EXOC6B: variants seen among roughly 807,000 people sequenced by gnomAD.
EXOC6B encodes exocyst complex component 6B.
In EXOC6B, 54 loss-of-function variants were observed where a neutral mutation model predicts 113.5. The observed-to-expected ratio is 0.48, with a 90% CI of 0.38 to 0.60. The LOEUF (loss-of-function observed/expected upper bound fraction) is 0.60, where lower values mean the gene tolerates loss of function less well. EXOC6B is among the 20% of genes least tolerant of loss of function. The pLI, the probability that EXOC6B is intolerant of heterozygous loss-of-function variation, is 0.00. For missense variants in EXOC6B, 797 were observed against 977.5 expected, an observed-to-expected ratio of 0.82 and a Z score of 2.46; for synonymous variants, 357 against 339.0, an observed-to-expected ratio of 1.05 and a Z score of -0.58.
chr2:72,211,072 T>G (rs1472714543), intron 20 of EXOC6B, among the ~76,000 whole-genome samples: 1 of 152,100 alleles, frequency 6.6e-6, no homozygotes, highest in Non-Finnish European at 1.5e-5. Flanking sequence ...TATTAGCAAT[T>G]TTACCCTCTT....
intron 20 of EXOC6B, among the ~76,000 whole-genome samples, chr2:72,267,057 T>C (rs1421760608): frequency 5.3e-5 from 8 of 152,178 alleles, no homozygotes; most frequent in Non-Finnish European, 1.0e-4. Flanking sequence ...GCTCTCTGTT[T>C]GTCTGTTATT....
intron 2 of EXOC6B, among the ~76,000 whole-genome samples, chr2:72,733,755 A>G (rs948024456): frequency 1.3e-5 from 2 of 152,240 alleles, no homozygotes; most frequent in African/African-American, 4.8e-5. Context: ...TGACATTTCA[A>G]TGATGGAAAA....
chr2:72,429,611 C>T (rs55728837), intron 18 of EXOC6B, among the ~76,000 whole-genome samples: 30,073 of 152,156 alleles, frequency 0.2, 5,406 homozygotes, highest in African/African-American at 0.48. Context: ...TTAATTCAGA[C>T]ACAAAAAGTG....
chr2:72,695,645 C>T (rs763908243), intron 6 of EXOC6B, among the ~76,000 whole-genome samples: 6 of 151,956 alleles, frequency 3.9e-5, no homozygotes, highest in Non-Finnish European at 8.8e-5. Context: ...GATACAAACC[C>T]CCAAACACAA....
At chr2:72,228,488 A>G (rs1160256087) in intron 20 of EXOC6B, among the ~76,000 whole-genome samples, 4 of 148,214 alleles carry the variant, frequency 2.7e-5, no homozygotes, top group Non-Finnish European at 3.0e-5. Context: ...TCATTGTTCA[A>G]TTCCCACCTA....
intron 1 of EXOC6B, among the ~76,000 whole-genome samples, chr2:72,793,153 C>A (rs1684769799): frequency 6.6e-6 from 1 of 152,110 alleles, no homozygotes; most frequent in Non-Finnish European, 1.5e-5. Context: ...GCTGTGAACA[C>A]TTCCTTTACA....
intron 20 of EXOC6B, among the ~76,000 whole-genome samples, chr2:72,291,844 A>G (rs1429336909): frequency 6.6e-6 from 1 of 152,178 alleles, no homozygotes; most frequent in African/African-American, 2.4e-5. Context: ...CTTCCCATTG[A>G]AATATTCATA....
intron 16 of EXOC6B, among the ~76,000 whole-genome samples, chr2:72,481,529 CATG>C (rs1699093565): frequency 6.6e-6 from 1 of 152,108 alleles, no homozygotes; most frequent in African/African-American, 2.4e-5. Flanking sequence ...CAAAATTAGG[CATG>C]ATGAACAGAG....
Position 72,733,066 on chromosome 2 carries a change from CT to C in EXOC6B, c.327+4del. The C allele has an allele frequency of 6.3e-7, 1 of 1,581,990 alleles. No individual in the cohort carries two copies. ...AGATTTCTTCAAAAGGTAAACTGGT[CT>C]TACTTCCTTTCCCTCATGTTGTAGT... On this transcript the variant is annotated splice_donor_region_variant and intron_variant, in intron 3 of 21. Coordinates refer to ENST00000272427, the MANE Select transcript of EXOC6B (RefSeq NM_015189.3).
chr2:72,388,406 A>G (rs1334859588), intron 18 of EXOC6B, among the ~76,000 whole-genome samples: 1 of 152,194 alleles, frequency 6.6e-6, no homozygotes, highest in Non-Finnish European at 1.5e-5. Flanking sequence ...GTAGATGACT[A>G]ACATAGTCTA....
intron 1 of EXOC6B, among the ~76,000 whole-genome samples, chr2:72,818,839 C>G (rs1179984670): frequency 6.6e-6 from 1 of 152,144 alleles, no homozygotes; most frequent in Non-Finnish European, 1.5e-5. Context: ...AGGTATTTCC[C>G]TCACAGAGAG....
chr2:72,408,158 G>C (rs902185315), intron 18 of EXOC6B, among the ~76,000 whole-genome samples: 7 of 152,194 alleles, frequency 4.6e-5, no homozygotes, highest in African/African-American at 1.7e-4. Flanking sequence ...CAACTTACAA[G>C]GGACGTGAAG....
intron 20 of EXOC6B, among the ~76,000 whole-genome samples, chr2:72,264,021 CA>C (rs1185829361): frequency 6.6e-6 from 1 of 152,156 alleles, no homozygotes; most frequent in Non-Finnish European, 1.5e-5. Context: ...TGGCATAGGA[CA>C]TTTTACTTCC....
intron 6 of EXOC6B, among the ~76,000 whole-genome samples, chr2:72,678,268 C>T (rs958071289): frequency 6.6e-5 from 10 of 152,154 alleles, no homozygotes; most frequent in Non-Finnish European, 1.5e-4. Context: ...AAATGTGGCT[C>T]GCTAAACATT....
chr2:72,535,801 C>A (rs189213247), intron 8 of EXOC6B, among the ~76,000 whole-genome samples: 2 of 149,834 alleles, frequency 1.3e-5, no homozygotes, highest in Non-Finnish European at 3.0e-5. Flanking sequence ...ACTGGGGAGG[C>A]GGAAGTTGTG....
intron 17 of EXOC6B, among the ~76,000 whole-genome samples, chr2:72,470,189 T>A (rs1698309060): frequency 6.6e-6 from 1 of 152,198 alleles, no homozygotes; most frequent in Non-Finnish European, 1.5e-5. Flanking sequence ...ATTTTAATGA[T>A]ATTAATTCTT....
At chr2:72,495,183 A>C (rs1376067262) in intron 15 of EXOC6B, among the ~76,000 whole-genome samples, 3 of 152,140 alleles carry the variant, frequency 2.0e-5, no homozygotes, top group Non-Finnish European at 4.4e-5. Flanking sequence ...AACTGTCATT[A>C]ATAAGTGTTG....
chr2:72,461,167 A>G (rs1410947463), intron 18 of EXOC6B, among the ~76,000 whole-genome samples: 2 of 135,660 alleles, frequency 1.5e-5, no homozygotes, highest in Non-Finnish European at 3.1e-5. Flanking sequence ...ATGAGAACAC[A>G]TGGACACAGG....
At chr2:72,227,275 A>T (rs1184914223) in intron 20 of EXOC6B, among the ~76,000 whole-genome samples, 1 of 152,178 alleles carries the variant, frequency 6.6e-6, no homozygotes, top group East Asian at 1.9e-4. Context: ...AAGCAATGGA[A>T]AAACACATAC....
Sources: gnomAD v4.1 joint callset for allele counts (sites outside exome capture counted in the v4.1 genomes callset) on GRCh38, gnomAD v4.1.1 for gene constraint, MANE v1.5 for transcripts, NCBI Gene and HGNC (gene_info 2026-07-23, HGNC 2026-07-21) for gene names.